The following PUDP variants were observed in gnomAD, a reference collection of about 807,000 sequenced individuals.
PUDP encodes the protein pseudouridine 5'-phosphatase.
PUDP carries 8 observed loss-of-function variants against 9.4 expected under a neutral mutation model. That is an observed-to-expected ratio of 0.85 (90% CI 0.50 to 1.53). PUDP has a LOEUF of 1.53. PUDP is among the 40% of genes most tolerant of loss of function. The pLI, the probability that PUDP is intolerant of heterozygous loss-of-function variation, is 0.00. For missense variants in PUDP, 188 were observed against 189.7 expected (o/e 0.99, Z 0.05); for synonymous variants, 99 against 80.7 (o/e 1.23, Z -1.22).
chrX:6,763,203 A>C (rs1044805524), intron 3 of PUDP, among the ~76,000 whole-genome samples: 4 of 112,250 alleles, frequency 3.6e-5, no homozygotes, highest in African/African-American at 1.3e-4. Flanking sequence ...AGTCTGGCCA[A>C]CATGGCGAAA....
At chrX:6,848,838 T>G (rs1304027267) in intron 3 of PUDP, among the ~76,000 whole-genome samples, 1 of 112,421 alleles carries the variant, frequency 8.9e-6, no homozygotes, top group East Asian at 2.8e-4. Context: ...CAGAAGCAGA[T>G]GCTGGAGCCA....
intron 3 of PUDP, among the ~76,000 whole-genome samples, chrX:6,753,413 A>C (rs957198289): frequency 2.7e-5 from 3 of 112,045 alleles, no homozygotes; most frequent in African/African-American, 9.7e-5. Flanking sequence ...TGCAATTGCA[A>C]ATTGTGCTGC....
chrX:7,084,564 C>T (rs758675808), intron 2 of PUDP, among the ~76,000 whole-genome samples: 17 of 112,031 alleles, frequency 1.5e-4, no homozygotes, highest in Non-Finnish European at 1.7e-4. Context: ...GGCCCCTGCA[C>T]TACACAACAA....
intron 3 of PUDP, among the ~76,000 whole-genome samples, chrX:6,914,405 C>T (rs934835397): frequency 9.0e-6 from 1 of 111,383 alleles, no homozygotes; most frequent in Non-Finnish European, 1.9e-5. Context: ...TAGATTCGCC[C>T]TGGGAAGTGC....
intron 1 of PUDP, among the ~76,000 whole-genome samples, chrX:7,142,984 G>A (rs1033623060): frequency 1.9e-4 from 21 of 111,168 alleles, no homozygotes; most frequent in Middle Eastern, 4.6e-3. Context: ...AAAGAATCAA[G>A]TGATGTGGCA....
chrX:6,945,865 A>G (rs1928456810), intron 3 of PUDP, among the ~76,000 whole-genome samples: 1 of 111,561 alleles, frequency 9.0e-6, no homozygotes, highest in African/African-American at 3.3e-5. Context: ...TTAATGAAAC[A>G]TCTCTTAGCC....
At chrX:6,890,444 C>T (rs147002261) in intron 3 of PUDP, among the ~76,000 whole-genome samples, 5,479 of 111,709 alleles carry the variant, frequency 0.049, 143 homozygotes, top group East Asian at 0.15. Flanking sequence ...TGCTGGCAAA[C>T]GCAGAGCAGT....
At chrX:6,745,658 T>G in intron 3 of PUDP, among the ~76,000 whole-genome samples, 1 of 111,444 alleles carries the variant, frequency 9.0e-6, no homozygotes, top group Middle Eastern at 4.6e-3. Context: ...TTTGTTTTTG[T>G]AGAGAGATGG....
At chrX:7,081,423 G>A (rs1199754323) in intron 2 of PUDP, among the ~76,000 whole-genome samples, 1 of 112,191 alleles carries the variant, frequency 8.9e-6, no homozygotes, top group African/African-American at 3.2e-5. Flanking sequence ...AAAGCCCTGG[G>A]CTTAGAGATG....
intron 1 of PUDP, among the ~76,000 whole-genome samples, chrX:7,032,545 A>G (rs770558238): frequency 8.9e-6 from 1 of 112,640 alleles, no homozygotes; most frequent in South Asian, 3.6e-4. Flanking sequence ...AAAAAAAGGA[A>G]TAACTATTGT....
chrX:6,785,606 GA>G (rs771913863), intron 3 of PUDP, among the ~76,000 whole-genome samples: 1,605 of 102,126 alleles, frequency 0.016, 13 homozygotes, highest in Non-Finnish European at 0.025. Flanking sequence ...TTTACTATAA[GA>G]AAAAAAAAAA....
chrX:6,920,326 A>T (rs1433677078), intron 3 of PUDP, among the ~76,000 whole-genome samples: 5 of 110,731 alleles, frequency 4.5e-5, no homozygotes, highest in Non-Finnish European at 9.4e-5. Flanking sequence ...GCATTTTCTG[A>T]TCCTCATCTC....
chrX:6,826,755 C>T lies in PUDP; in HGVS notation c.*248-120289G>A, dbSNP rs540843891. Among the ~76,000 whole-genome samples the T allele has an allele frequency of 3.6e-5, 4 of 112,113 alleles. No individual in the cohort carries two copies. The South Asian group carries it at 1.5e-3, about 41-fold the overall frequency. On this transcript the variant is annotated intron_variant and NMD_transcript_variant, in intron 3 of 3. Transcript: ENST00000655425. ...TACCACTAATTCAGAAATGCAGGTA[C>T]ATCACTCATTCTTGATTTTCCTTTT...
intron 1 of PUDP, among the ~76,000 whole-genome samples, chrX:7,115,002 A>T (rs1337819769): frequency 8.9e-6 from 1 of 112,390 alleles, no homozygotes; most frequent in African/African-American, 3.2e-5. Flanking sequence ...ACCCTTAAAC[A>T]TGCCCCATTC....
At chrX:6,749,321 G>A (rs755863404) in intron 3 of PUDP, among the ~76,000 whole-genome samples, 1 of 111,633 alleles carries the variant, frequency 9.0e-6, no homozygotes, top group Non-Finnish European at 1.9e-5. Flanking sequence ...GTAAAGTCAT[G>A]AATTTTCACT....
intron 3 of PUDP, among the ~76,000 whole-genome samples, chrX:6,790,480 TCAGA>T (rs1052485026): frequency 6.2e-5 from 7 of 112,449 alleles, no homozygotes; most frequent in Admixed American, 9.4e-5. Context: ...CATCTTATGC[TCAGA>T]CAAAGAGCCT....
chrX:6,950,692 G>C (rs1928542661), intron 3 of PUDP, among the ~76,000 whole-genome samples: 1 of 110,738 alleles, frequency 9.0e-6, no homozygotes, highest in Admixed American at 9.6e-5. Context: ...TTACAGGCGT[G>C]AGCCACTGCG....
chrX:6,964,630 T>C (rs1401585737), intron 3 of PUDP, among the ~76,000 whole-genome samples: 2 of 110,913 alleles, frequency 1.8e-5, no homozygotes. Context: ...GCAGTGATTA[T>C]GCCACTGCAC....
At chrX:7,065,141 C>T (rs1231954668) in intron 3 of PUDP, among the ~76,000 whole-genome samples, 3 of 111,582 alleles carry the variant, frequency 2.7e-5, no homozygotes, top group Non-Finnish European at 5.7e-5. Context: ...CCACCTCAGC[C>T]CCCCTGCCCC....
Sources: allele counts gnomAD v4.1 joint callset (sites outside exome capture counted in the v4.1 genomes callset), GRCh38; gene constraint gnomAD v4.1.1; transcripts MANE v1.5; gene names NCBI Gene and HGNC (gene_info 2026-07-23, HGNC 2026-07-21).